The following FRMD4A variants were observed in gnomAD, a reference collection of about 807,000 sequenced individuals.
FRMD4A encodes FERM domain containing 4A.
Under a neutral mutation model 129.1 loss-of-function variants are expected in FRMD4A, and 29 were observed. The ratio of observed to expected loss-of-function variants is 0.22; its 90% CI spans 0.17 to 0.31. The LOEUF is 0.31. FRMD4A is among the 10% of genes least tolerant of loss of function. The pLI, the probability that FRMD4A is intolerant of heterozygous loss-of-function variation, is 1.00. For missense variants in FRMD4A, 1,272 were observed against 1,375.8 expected (o/e 0.92, Z 1.19); for synonymous variants, 634 against 571.6 (o/e 1.11, Z -1.56).
chr10:13,991,997 G>C (rs1378422831), intron 2 of FRMD4A: 1 of 152,186 alleles, frequency 6.6e-6, no homozygotes, highest in Non-Finnish European at 1.5e-5. Context: ...AAAAAGGTAA[G>C]TACATTGAAT....
intron 9 of FRMD4A, among the ~76,000 whole-genome samples, chr10:13,742,448 T>C (rs1317996060): frequency 6.6e-6 from 1 of 152,206 alleles, no homozygotes; most frequent in Admixed American, 6.5e-5. Flanking sequence ...ACCCTCCCTG[T>C]CCTCTGTCAA....
intron 19 of FRMD4A, among the ~76,000 whole-genome samples, 168 bp from the exon 20 acceptor site, chr10:13,660,721 C>G (rs2082574588): frequency 6.6e-6 from 1 of 152,148 alleles, no homozygotes; most frequent in East Asian, 1.9e-4. Context: ...CAAGACAAGT[C>G]AAGACGAGTC....
intron 2 of FRMD4A, among the ~76,000 whole-genome samples, chr10:14,233,014 GTA>G (rs1274914706): frequency 1.3e-5 from 2 of 152,102 alleles, no homozygotes; most frequent in Non-Finnish European, 2.9e-5. Flanking sequence ...TTTGAGACAG[GTA>G]TTTCAACCCA....
intron 2 of FRMD4A, among the ~76,000 whole-genome samples, chr10:14,077,433 A>G (rs1835678445): frequency 6.6e-6 from 1 of 152,166 alleles, no homozygotes; most frequent in Admixed American, 6.5e-5. Context: ...AATCATAACA[A>G]TAATGCCTAC....
rs10160188 is a variant in FRMD4A, at chr10:13,782,943, G to A, written c.363C>T (p.Asn121=). ...CTACCTTGTAGATGCAGGACTTCGC[G>A]TTCAGAAAGAAAAGCTCAATGGTAG... is the stretch of plus-strand genomic sequence containing the variant. ...DNATIELFFL[N]AKSCIYKELI... is the part of the protein sequence containing the mutation. The change falls in exon 6 of 25, where the codon AAC becomes AAT. Residue 121 remains asparagine (N), a synonymous_variant. Coordinates refer to ENST00000357447, the MANE Select transcript of FRMD4A (RefSeq NM_018027.5). 3,360 of 1,481,866 alleles carry A rather than the reference G, an allele frequency of 2.3e-3. 59 individuals are homozygous for A. The African/African-American group carries it at 0.039, about 17-fold the overall frequency. 91.8% of individuals were successfully genotyped at this position (1,481,866 alleles called of 1,614,324 possible). A position where few individuals can be genotyped will look rare whatever the true frequency, so the allele number is the denominator to read the frequency against.
rs1484525208 is a variant in FRMD4A, at chr10:14,127,968, TTCTTTCTTTCCTTCTCTC to T, written c.45+202072_45+202089del. The stretch of plus-strand genomic sequence containing the variant: ...TTTCTTTCTTTCTTTCTTTCTTTCT[TTCTTTCTTTCCTTCTCTC>T]TCTCTCTCTCTCTCTTTCTTTCTTT... On this transcript the variant is annotated intron_variant, in intron 2 of 24. Coordinates refer to ENST00000357447, the MANE Select transcript of FRMD4A (RefSeq NM_018027.5). Among the ~76,000 whole-genome samples, 6 of 33,636 alleles carry T rather than the reference TTCTTTCTTTCCTTCTCTC, an allele frequency of 1.8e-4. 1 individual carries two copies. Among genetic ancestry groups the T allele is most frequent in the African/African-American group, 6.3e-4 (5 of 7,962 alleles). 22.1% of individuals were successfully genotyped at this position (33,636 alleles called of 152,430 possible).
chr10:14,267,095 A>T (rs757676164), intron 2 of FRMD4A, among the ~76,000 whole-genome samples: 1 of 152,248 alleles, frequency 6.6e-6, no homozygotes, highest in African/African-American at 2.4e-5. Flanking sequence ...AAATGTACAC[A>T]AAGAAGATAT....
Position 14,047,536 on chromosome 10 carries a change from T to C in FRMD4A, c.46-188624A>G, listed in dbSNP as rs7915439. Among the ~76,000 whole-genome samples the C allele has an allele frequency of 0.011, 1,679 of 152,334 alleles. 62 individuals are homozygous for C. In the East Asian group the frequency reaches 0.11, roughly 10 times the overall value. On this transcript the variant is annotated intron_variant, in intron 2 of 24. Transcript: ENST00000357447. Reference sequence around the variant, plus strand: ...TGTACAATCTTTAATGCTCACCAGCTGATTATCAGCTGATGGGGAAGATAA... The same window carrying C: ...TGTACAATCTTTAATGCTCACCAGCCGATTATCAGCTGATGGGGAAGATAA...
At chr10:13,682,269 C>T (rs1437172501) in intron 15 of FRMD4A, among the ~76,000 whole-genome samples, 1 of 152,044 alleles carries the variant, frequency 6.6e-6, no homozygotes, top group Non-Finnish European at 1.5e-5. Context: ...GGAGTCTGCA[C>T]CCCAATTCAG....
At chr10:14,165,512 G>C (rs1244646737) in intron 2 of FRMD4A, among the ~76,000 whole-genome samples, 1 of 152,174 alleles carries the variant, frequency 6.6e-6, no homozygotes, top group Non-Finnish European at 1.5e-5. Flanking sequence ...CCATTACTGA[G>C]CATATACCCA....
intron 2 of FRMD4A, among the ~76,000 whole-genome samples, chr10:14,290,881 C>T (rs1456332446): frequency 6.6e-6 from 1 of 152,038 alleles, no homozygotes; most frequent in Non-Finnish European, 1.5e-5. Context: ...AATGACTTAG[C>T]ACAATGGCTG....
At chr10:14,226,234 G>A (rs370503167) in intron 2 of FRMD4A, among the ~76,000 whole-genome samples, 3 of 152,040 alleles carry the variant, frequency 2.0e-5, no homozygotes, top group Admixed American at 6.6e-5. Flanking sequence ...TTTAAGCCCC[G>A]CATGTTTTCC....
intron 2 of FRMD4A, among the ~76,000 whole-genome samples, chr10:14,003,324 G>T (rs1277280176): frequency 6.6e-6 from 1 of 152,148 alleles, no homozygotes; most frequent in Admixed American, 6.5e-5. Flanking sequence ...GAAGCTGGGG[G>T]TGTTGGAGGA....
intron 2 of FRMD4A, among the ~76,000 whole-genome samples, chr10:14,272,081 A>G (rs767530352): frequency 6.6e-6 from 1 of 152,230 alleles, no homozygotes; most frequent in Non-Finnish European, 1.5e-5. Flanking sequence ...TAGGCCATAC[A>G]GCAGCATGAA....
At chr10:13,701,916 G>C (rs1474627004) in intron 13 of FRMD4A, among the ~76,000 whole-genome samples, 1 of 152,140 alleles carries the variant, frequency 6.6e-6, no homozygotes, top group Non-Finnish European at 1.5e-5. Context: ...CAGCGTCCCA[G>C]GGAATTGGGA....
In FRMD4A at chr10:14,128,694, A is replaced by C. The variant is rs111442202; in HGVS notation, c.45+201364T>G. Among the ~76,000 whole-genome samples, 369 of 152,326 alleles carry C rather than the reference A, an allele frequency of 2.4e-3. 1 individual carries two copies. The highest frequency in any genetic ancestry group is 7.9e-3 in the African/African-American group (327 of 41,564). ...GCAAGACTCCTAGTTTTGTAATGAG[A>C]AAATGCACGTGGTAACATCTTGTAG... On this transcript the variant is annotated intron_variant, in intron 2 of 24. Coordinates refer to ENST00000357447, the MANE Select transcript of FRMD4A (RefSeq NM_018027.5).
At chr10:14,039,106 T>C (rs1242256275) in intron 2 of FRMD4A, among the ~76,000 whole-genome samples, 1 of 152,196 alleles carries the variant, frequency 6.6e-6, no homozygotes, top group African/African-American at 2.4e-5. Context: ...GTATTGTGGT[T>C]GTAGTGATTT....
At chr10:13,919,356 G>A (rs992252861) in intron 2 of FRMD4A, among the ~76,000 whole-genome samples, 10 of 152,076 alleles carry the variant, frequency 6.6e-5, no homozygotes, top group African/African-American at 1.9e-4. Context: ...TTCCAATTAC[G>A]TGCCCCATTT....
intron 2 of FRMD4A, among the ~76,000 whole-genome samples, chr10:13,935,202 G>C (rs2095238433): frequency 1.3e-5 from 2 of 152,028 alleles, no homozygotes; most frequent in South Asian, 4.1e-4. Flanking sequence ...ACTTTGGTAG[G>C]CTGAGCAGGC....
Sources: allele counts gnomAD v4.1 joint callset (sites outside exome capture counted in the v4.1 genomes callset), GRCh38; gene constraint gnomAD v4.1.1; transcripts MANE v1.5; gene names NCBI Gene and HGNC (gene_info 2026-07-23, HGNC 2026-07-21).